The following CTIF variants were observed in gnomAD, a reference collection of about 807,000 sequenced individuals.
CTIF encodes the protein CBP80/20-dependent translation initiation factor.
Under a neutral mutation model 66.0 loss-of-function variants are expected in CTIF, and 21 were observed. The ratio of observed to expected loss-of-function variants is 0.32; its 90% CI spans 0.23 to 0.46. The LOEUF (loss-of-function observed/expected upper bound fraction) is 0.46. Among genes scored for constraint, CTIF ranks in the 20% least tolerant of loss-of-function variants. The pLI is 1.00. For missense variants in CTIF, 739 were observed against 812.7 expected (o/e 0.91, Z 1.10); for synonymous variants, 345 against 326.4 (o/e 1.06, Z -0.62).
Position 48,806,273 on chromosome 18 carries a change from G to A in CTIF, c.1372-10948G>A, listed in dbSNP as rs142851075. Among the ~76,000 whole-genome samples, 207 of 152,262 alleles carry A rather than the reference G, an allele frequency of 1.4e-3. 1 individual carries two copies. Among genetic ancestry groups the A allele is most frequent in the African/African-American group, 3.0e-3 (124 of 41,542 alleles). ...TTTTAAGCCATGCAACCAATTGCCCGGGAGAAGAATGCCTGGGATTGACTC... is the reference window on the plus strand; with the variant it reads ...TTTTAAGCCATGCAACCAATTGCCCAGGAGAAGAATGCCTGGGATTGACTC... On this transcript the variant is annotated intron_variant, in intron 9 of 11. Transcript: ENST00000256413.
At position 48,760,688 on chromosome 18, in the gene CTIF, C is replaced by T. The variant is rs141297785; in HGVS notation, c.1072-702C>T. The T allele has an allele frequency of 3.3e-5, 5 of 152,290 alleles. No homozygotes were observed. The East Asian group carries it at 9.6e-4, about 29-fold the overall frequency. 9.4% of individuals were successfully genotyped at this position (152,290 alleles called of 1,614,324 possible). A position where few individuals can be genotyped will look rare whatever the true frequency, so the allele number is the denominator to read the frequency against. ...TGACATTTTTTTCTTCTTCAAGCCC[C>T]TGGTCTGGTCCTAGTTGCAGTGAAA... On this transcript the variant is annotated intron_variant, in intron 8 of 11. Transcript: ENST00000256413.
intron 9 of CTIF, among the ~76,000 whole-genome samples, chr18:48,781,999 G>C (rs1911278617): frequency 6.6e-6 from 1 of 152,120 alleles, no homozygotes; most frequent in African/African-American, 2.4e-5. Flanking sequence ...AGCAGGGGCT[G>C]GGGCTGCTGA....
At chr18:48,595,914 C>A (rs1399583099) in intron 1 of CTIF, among the ~76,000 whole-genome samples, 1 of 152,098 alleles carries the variant, frequency 6.6e-6, no homozygotes, top group African/African-American at 2.4e-5. Context: ...CTGAGTTGTC[C>A]ACAGTTCCTC....
At chr18:48,766,763 AACCCCATT>A (rs377497400) in intron 9 of CTIF, among the ~76,000 whole-genome samples, 50 of 145,580 alleles carry the variant, frequency 3.4e-4, no homozygotes, top group African/African-American at 1.2e-3. Flanking sequence ...CTGGCAGGAG[AACCCCATT>A]ACACAGGAGG....
intron 6 of CTIF, among the ~76,000 whole-genome samples, chr18:48,691,676 A>C (rs1478860900): frequency 6.6e-6 from 1 of 151,932 alleles, no homozygotes; most frequent in Non-Finnish European, 1.5e-5. Flanking sequence ...TGTCCTCCTC[A>C]AAGAAATTGT....
rs755542623 is a variant in CTIF at position 48,761,401 on chromosome 18, C to T, written c.1083C>T (p.Ala361=). Reference sequence around the variant, plus strand: ...TCCGACACCCCCAGGATGAAGTGGCCGTGGAGACGACCACTCCCCAGCAGA... The same window carrying T: ...TCCGACACCCCCAGGATGAAGTGGCTGTGGAGACGACCACTCCCCAGCAGA... The part of the protein sequence containing the change: ...RRRLKEKDEV[A]VETTTPQQNK... The change falls in exon 9 of 12, where the codon GCC becomes GCT. Residue 361 remains alanine (A), a synonymous_variant. Transcript: ENST00000256413. This position sits in a 1 kb window ranked among gnomAD's most constrained non-coding sequence, Gnocchi z 4.2. The T allele has an allele frequency of 2.0e-5, 32 of 1,612,908 alleles. No individual in the cohort carries two copies. Among genetic ancestry groups the T allele is most frequent in the East Asian group, 8.9e-5 (4 of 44,862 alleles).
intron 11 of CTIF, among the ~76,000 whole-genome samples, chr18:48,858,895 G>C (rs571066713): frequency 1.3e-5 from 2 of 152,298 alleles, no homozygotes; most frequent in East Asian, 1.9e-4. Flanking sequence ...AGTTCCAATG[G>C]ACACATGTAA....
intron 3 of CTIF, among the ~76,000 whole-genome samples, chr18:48,658,755 G>A (rs991343430): frequency 4.6e-5 from 7 of 152,140 alleles, no homozygotes; most frequent in Non-Finnish European, 1.0e-4. Context: ...TGTGGCATGT[G>A]TACATGTATG....
chr18:48,684,541 G>T lies in CTIF; in HGVS notation c.507+13797G>T, dbSNP rs150718616. On this transcript the variant is annotated intron_variant, in intron 6 of 11. Transcript: ENST00000256413. ...TTTCCTGCTGATTTTCTTATTATGA[G>T]AGAGAAGAATTTTGTTCTCCTATAC... 9.0e-3 allele frequency among the ~76,000 whole-genome samples: 1,367 copies of T among 152,034 alleles called. 19 individuals are homozygous for T. The highest frequency in any genetic ancestry group is 0.031 in the African/African-American group (1,305 of 41,448).
At chr18:48,667,815 C>G (rs1334276195) in intron 5 of CTIF, among the ~76,000 whole-genome samples, 1 of 152,194 alleles carries the variant, frequency 6.6e-6, no homozygotes, top group East Asian at 1.9e-4. Flanking sequence ...GCCTGTCACT[C>G]CCAGGTTCCC....
intron 6 of CTIF, among the ~76,000 whole-genome samples, chr18:48,707,550 CTCTTCT>C (rs61360241): frequency 1.3e-5 from 2 of 151,648 alleles, no homozygotes; most frequent in South Asian, 2.1e-4. Context: ...CCTTGTCCTC[CTCTTCT>C]TCTTCTTCTT....
intron 3 of CTIF, among the ~76,000 whole-genome samples, chr18:48,660,654 G>T (rs1452109947): frequency 1.3e-5 from 2 of 152,248 alleles, no homozygotes; most frequent in East Asian, 3.8e-4. Context: ...AGGCAGAGAG[G>T]TTCCACCAGC....
chr18:48,808,849 T>C (rs553129283), intron 9 of CTIF, among the ~76,000 whole-genome samples: 7 of 152,378 alleles, frequency 4.6e-5, no homozygotes, highest in Admixed American at 6.5e-5. Context: ...TTTTTAGTTA[T>C]TTCCCTTGCT....
At chr18:48,771,706 C>T (rs923402712) in intron 9 of CTIF, among the ~76,000 whole-genome samples, 1 of 152,176 alleles carries the variant, frequency 6.6e-6, no homozygotes, top group Non-Finnish European at 1.5e-5. Flanking sequence ...CAGAGGGTCA[C>T]CCCTGGCTGG....
At chr18:48,593,412 G>A (rs1274351502) in intron 1 of CTIF, among the ~76,000 whole-genome samples, 6 of 144,054 alleles carry the variant, frequency 4.2e-5, no homozygotes, top group South Asian at 2.2e-4. Context: ...ACGGACTCTC[G>A]CTCTGTCGCC....
chr18:48,593,220 A>G (rs2144008991), intron 1 of CTIF, among the ~76,000 whole-genome samples: 1 of 152,254 alleles, frequency 6.6e-6, no homozygotes. Flanking sequence ...CGCACCCAAG[A>G]TGGAGAGCAG....
At chr18:48,853,069 G>A (rs755958142) in intron 10 of CTIF, among the ~76,000 whole-genome samples, 1 of 152,128 alleles carries the variant, frequency 6.6e-6, no homozygotes, top group African/African-American at 2.4e-5. Flanking sequence ...TTCCTTTCCT[G>A]TCACAGACTC....
chr18:48,677,579 C>T (rs1305351534), intron 6 of CTIF, among the ~76,000 whole-genome samples: 2 of 152,222 alleles, frequency 1.3e-5, no homozygotes, highest in Non-Finnish European at 2.9e-5. Context: ...GGAGCACGTA[C>T]TGTTATTGAC....
chr18:48,662,426 C>T (rs1028127004), intron 3 of CTIF: 1 of 151,948 alleles, frequency 6.6e-6, no homozygotes, highest in Non-Finnish European at 1.5e-5. Flanking sequence ...TCAATGAGAC[C>T]CAGGAAGGCT....
Sources: gnomAD v4.1 joint callset for allele counts (sites outside exome capture counted in the v4.1 genomes callset) on GRCh38, gnomAD v4.1.1 for gene constraint, Gnocchi (gnomAD v3.1) non-coding constraint, MANE v1.5 for transcripts, NCBI Gene and HGNC (gene_info 2026-07-23, HGNC 2026-07-21) for gene names.